Variants in POM121 observed in about 807,000 individuals in gnomAD.
The protein encoded by POM121 is POM121 transmembrane nucleoporin.
In POM121, 32 loss-of-function variants were observed where a neutral mutation model predicts 81.3. The ratio of observed to expected loss-of-function variants is 0.39; its 90% CI spans 0.30 to 0.53. The LOEUF is 0.53. POM121 is among the 20% of genes least tolerant of loss of function. The pLI is 0.66. For missense variants in POM121, 1,138 were observed against 1,614.6 expected (o/e 0.70, Z 5.06); for synonymous variants, 514 against 694.2 (o/e 0.74, Z 4.08).
intron 3 of POM121, among the ~76,000 whole-genome samples, chr7:72,895,762 A>G (rs1315996329): frequency 2.2e-4 from 33 of 152,046 alleles, no homozygotes; most frequent in Middle Eastern, 3.4e-3. Context: ...TAGAAAAATT[A>G]GCCAGGCGTG....
At chr7:72,912,374 T>C (rs1793887334) in intron 3 of POM121, among the ~76,000 whole-genome samples, 1 of 152,036 alleles carries the variant, frequency 6.6e-6, no homozygotes, top group African/African-American at 2.4e-5. Flanking sequence ...AGGAATGTAA[T>C]GAAAAGAGAC....
chr7:72,906,719 C>T (rs148378024), intron 3 of POM121, among the ~76,000 whole-genome samples: 50 of 152,122 alleles, frequency 3.3e-4, no homozygotes, highest in African/African-American at 1.2e-3. Context: ...ACCTCCTGGG[C>T]TTGAGTGGTT....
chr7:72,889,512 T>G (rs540487372), intron 1 of POM121, among the ~76,000 whole-genome samples: 1 of 130,552 alleles, frequency 7.7e-6, no homozygotes, highest in Non-Finnish European at 1.5e-5. Context: ...GCATTTTTCT[T>G]TTTTTTTTTT....
downstream of POM121, chr7:72,948,713 C>T: frequency 6.4e-7 from 1 of 1,568,338 alleles, no homozygotes; most frequent in Non-Finnish European, 8.8e-7. Context: ...GAAGCCACCG[C>T]TAAGCGTGGT....
rs1797298245 is a variant in POM121, at chr7:72,943,177, G to A, written c.3184G>A (p.Ala1062Thr). The stretch of plus-strand genomic sequence containing the variant: ...ACAGCCCGCCTTTGGCGGCTCCACT[G>A]CTGTCTTCTTCGGTGCAGCCACCAG... ...SSQPAFGGST[A>T]VFFGAATSSG... The change falls in exon 11 of 13, where the codon GCT (alanine) becomes ACT (threonine). Residue 1062 changes from alanine to threonine, a missense_variant. Ala to Thr is a moderately conservative substitution (Grantham distance 58, BLOSUM62 0). Coordinates refer to ENST00000434423, the MANE Select transcript of POM121 (RefSeq NM_001387691.1). 2.5e-6 allele frequency: 4 copies of A among 1,613,414 alleles called. No individual in the cohort carries two copies. The highest frequency in any genetic ancestry group is 3.4e-6 in the Non-Finnish European group (4 of 1,179,826).
chr7:72,916,140 A>G (rs2129576722), intron 4 of POM121, among the ~76,000 whole-genome samples: 1 of 152,326 alleles, frequency 6.6e-6, no homozygotes, highest in East Asian at 1.9e-4. Context: ...CTCTGATGCT[A>G]GTTTCTTTTG....
intron 3 of POM121, among the ~76,000 whole-genome samples, chr7:72,907,816 A>G (rs1450780966): frequency 6.6e-6 from 1 of 152,126 alleles, no homozygotes; most frequent in Non-Finnish European, 1.5e-5. Context: ...CAGCCTCTTC[A>G]GATGTTTTTT....
upstream of POM121, chr7:72,925,023 C>G (rs557087378): frequency 1.7e-4 from 229 of 1,330,650 alleles, no homozygotes; most frequent in African/African-American, 3.4e-3. Flanking sequence ...TAGCGTCTCC[C>G]GGAGTCGCGC....
At chr7:72,921,868 T>G (rs1191825293), upstream of POM121, among the ~76,000 whole-genome samples, 1 of 152,184 alleles carries the variant, frequency 6.6e-6, no homozygotes, top group Non-Finnish European at 1.5e-5. Flanking sequence ...CCATGAAGTG[T>G]GTTCGAATTG....
intron 1 of POM121, among the ~76,000 whole-genome samples, chr7:72,881,506 C>T (rs1245806249): frequency 3.3e-5 from 5 of 151,174 alleles, no homozygotes; most frequent in Admixed American, 3.3e-4. Context: ...CTATCAGCCA[C>T]AGTCTCTGCA....
chr7:72,949,158 T>G (rs1554504217), downstream of POM121: 7 of 1,304,420 alleles, frequency 5.4e-6, no homozygotes, highest in Admixed American at 1.2e-4. Flanking sequence ...AGTCCTGAAA[T>G]CCTCGCTCCT....
intron 3 of POM121, among the ~76,000 whole-genome samples, chr7:72,910,793 C>T (rs1412044534): frequency 3.9e-5 from 6 of 151,982 alleles, no homozygotes; most frequent in East Asian, 1.9e-4. Context: ...GCTCCTTTTG[C>T]GGGGGTTAGG....
At chr7:72,911,894 A>G (rs1793841564) in intron 3 of POM121, among the ~76,000 whole-genome samples, 2 of 152,200 alleles carry the variant, frequency 1.3e-5, no homozygotes, top group South Asian at 4.1e-4. Flanking sequence ...TTATAAATGA[A>G]CTTTCTATTT....
At chr7:72,907,679 T>A (rs1554493643) in intron 3 of POM121, among the ~76,000 whole-genome samples, 1 of 152,086 alleles carries the variant, frequency 6.6e-6, no homozygotes, top group Admixed American at 6.5e-5. Context: ...CCTGGCTAAT[T>A]TTTATATTTT....
chr7:72,896,774 A>G (rs1270124095), intron 3 of POM121, among the ~76,000 whole-genome samples: 11 of 152,126 alleles, frequency 7.2e-5, no homozygotes, highest in Admixed American at 4.6e-4. Flanking sequence ...TTCATTTCCT[A>G]CTTCTATTAG....
In POM121 at chr7:72,945,572, T is replaced by C. The variant is rs1407004180; in HGVS notation, c.3530-14T>C. On this transcript the variant is annotated splice_polypyrimidine_tract_variant and intron_variant, in intron 11 of 12. Transcript: ENST00000434423. ...CTCTGCTCACTGGCCAGCTCTCTGT[T>C]CTCTTCATTCCAGGCACCGCCACCC... 1 of 1,613,244 alleles carries C rather than the reference T, an allele frequency of 6.2e-7. No individual in the cohort carries two copies. The highest frequency in any genetic ancestry group is 8.5e-7 in the Non-Finnish European group (1 of 1,179,662).
intron 5 of POM121, among the ~76,000 whole-genome samples, chr7:72,937,031 C>G (rs1211917513): frequency 6.6e-6 from 1 of 151,926 alleles, no homozygotes; most frequent in Middle Eastern, 3.2e-3. Flanking sequence ...CCAAGGCAGG[C>G]AGATCACGAG....
intron 5 of POM121, among the ~76,000 whole-genome samples, chr7:72,932,291 T>C (rs1223094135): frequency 5.9e-5 from 9 of 151,982 alleles, no homozygotes; most frequent in African/African-American, 2.2e-4. Context: ...TTAAACGGTA[T>C]GCATATCAGT....
chr7:72,926,696 A>G, intron 2 of POM121, 106 bp from the exon 3 acceptor site: 3 of 1,514,478 alleles, frequency 2.0e-6, no homozygotes, highest in Non-Finnish European at 2.7e-6. Context: ...TGTATAAATT[A>G]TACTTTGGCC....
Sources: gnomAD v4.1 joint callset for allele counts (sites outside exome capture counted in the v4.1 genomes callset) on GRCh38, gnomAD v4.1.1 for gene constraint, MANE v1.5 for transcripts, NCBI Gene and HGNC (gene_info 2026-07-23, HGNC 2026-07-21) for gene names.